ILF2: variants seen among roughly 807,000 people sequenced by gnomAD.
ILF2 encodes the protein interleukin enhancer binding factor 2.
ILF2 carries 9 observed loss-of-function variants against 55.3 expected under a neutral mutation model. That is an observed-to-expected ratio of 0.16 (90% CI 0.10 to 0.28). ILF2 has a LOEUF of 0.28. Ranked by LOEUF, ILF2 falls within the 10% of genes least tolerant of loss-of-function variation. The probability of loss-of-function intolerance (pLI) is 1.00; values close to 1 mark genes in which losing one functional copy is unlikely to be tolerated. For missense variants in ILF2, 266 were observed against 474.9 expected, an observed-to-expected ratio of 0.56 and a Z score of 4.09; for synonymous variants, 151 against 161.8, an observed-to-expected ratio of 0.93 and a Z score of 0.50.
At chr1:153,669,743 C>T in intron 3 of ILF2, 93 bp downstream of exon 3, 1 of 1,104,046 alleles carries the variant, frequency 9.1e-7, no homozygotes, top group Non-Finnish European at 1.4e-6. Flanking sequence ...TGTCTGCCCT[C>T]TTCAACCACC....
intron 3 of ILF2, among the ~76,000 whole-genome samples, chr1:153,669,152 T>C (rs1669384028): frequency 6.6e-6 from 1 of 151,478 alleles, no homozygotes; most frequent in African/African-American, 2.4e-5. Flanking sequence ...GAGGTCCTGA[T>C]TCCTCTGCCT....
At position 153,668,041 on chromosome 1, in the gene ILF2, C is replaced by T. The variant is rs1424240326; in HGVS notation, c.250G>A (p.Val84Met). The T allele has an allele frequency of 6.2e-7, 1 of 1,611,848 alleles. No homozygotes were observed. Among genetic ancestry groups the T allele is most frequent in the Non-Finnish European group, 8.5e-7 (1 of 1,179,140 alleles). ...ILSLVTKINNVIDNLIVAPGT... is the reference protein window; with the variant it reads ...ILSLVTKINNMIDNLIVAPGT... ...GGAGCCACAATCAGATTATCAATCA[C>T]ATTGTTTATTTTTGTCACCAGAGAA... The change falls in exon 5 of 14, where the codon GTG becomes ATG. Residue 84 changes from valine to methionine, a missense_variant. Transcript: ENST00000361891.
At position 153,669,826 on chromosome 1, in the gene ILF2, A is replaced by C; in HGVS notation, c.108+10T>G. 3 of 1,607,218 alleles carry C rather than the reference A, an allele frequency of 1.9e-6. No homozygotes were observed. The highest frequency in any genetic ancestry group is 2.6e-6 in the Non-Finnish European group (3 of 1,173,670). On this transcript the variant is annotated intron_variant, in intron 3 of 13. Coordinates refer to ENST00000361891, the MANE Select transcript of ILF2 (RefSeq NM_004515.4). Reference sequence around the variant, plus strand: ...CCAGAAAATGTGTATCATTAACCCAAGGTACTCACCAAATAGAAGTCAAAT... The same window carrying C: ...CCAGAAAATGTGTATCATTAACCCACGGTACTCACCAAATAGAAGTCAAAT...
chr1:153,664,366 CT>C, intron 9 of ILF2, 29 bp downstream of exon 9: 1 of 1,581,028 alleles, frequency 6.3e-7, no homozygotes, highest in Non-Finnish European at 8.7e-7. Flanking sequence ...AAAAGTTTAT[CT>C]TAATCCAAAT....
chr1:153,667,767 A>C, intron 5 of ILF2, 110 bp from the exon 6 acceptor site: 1 of 792,946 alleles, frequency 1.3e-6, no homozygotes, highest in African/African-American at 1.7e-5. Flanking sequence ...AAGAAGTAGC[A>C]GAGGTGAAAT....
intron 6 of ILF2, 30 bp from the exon 7 acceptor site, chr1:153,665,758 A>T: frequency 2.6e-6 from 4 of 1,555,440 alleles, no homozygotes; most frequent in African/African-American, 1.4e-5. Context: ...ATAATGTTAT[A>T]ATAATTTATT....
At chr1:153,670,825 T>C (rs182291322) in intron 1 of ILF2, 93 bp downstream of exon 1, 500 of 1,445,084 alleles carry the variant, frequency 3.5e-4, no homozygotes, top group Non-Finnish European at 4.7e-4. Flanking sequence ...CCCGGATACA[T>C]GGCCCTTTCT....
chr1:153,666,175 CTTTT>C (rs1161253292), intron 6 of ILF2, among the ~76,000 whole-genome samples: 1 of 150,948 alleles, frequency 6.6e-6, no homozygotes, highest in Non-Finnish European at 1.5e-5. Context: ...CAGGCTGCTG[CTTTT>C]TTTTTCTTTT....
At chr1:153,665,581 C>G (rs1209264319) in intron 7 of ILF2, 82 bp downstream of exon 7, 2 of 1,201,046 alleles carry the variant, frequency 1.7e-6, no homozygotes, top group South Asian at 1.2e-5. Context: ...CTGGTCTGAT[C>G]TGATTTTGTT....
At chr1:153,665,935 T>C (rs1206607123) in intron 6 of ILF2, among the ~76,000 whole-genome samples, 2 of 152,196 alleles carry the variant, frequency 1.3e-5, no homozygotes, top group Non-Finnish European at 2.9e-5. Flanking sequence ...CCTGTACTCA[T>C]ATCCTCTTTC....
chr1:153,665,635 A>G lies in ILF2; in HGVS notation c.460+28T>C, dbSNP rs748842497. ...ACAAGACCTGGTTCCTATGGCTACT[A>G]AATACAGAATCAGCAACAAATGCAA... On this transcript the variant is annotated intron_variant, in intron 7 of 13. Coordinates refer to ENST00000361891, the MANE Select transcript of ILF2 (RefSeq NM_004515.4). The G allele has an allele frequency of 7.6e-6, 12 of 1,586,538 alleles. No homozygotes were observed. In the South Asian group the frequency reaches 1.2e-4, roughly 16 times the overall value.
intron 8 of ILF2, 64 bp downstream of exon 8, chr1:153,665,156 C>G (rs1373416273): frequency 2.1e-6 from 2 of 942,606 alleles, no homozygotes; most frequent in Admixed American, 1.8e-5. Flanking sequence ...GTAAACTAAA[C>G]AGCAACAATA....
chr1:153,670,286 A>C, intron 1 of ILF2, 56 bp from the exon 2 acceptor site: 106 of 1,571,054 alleles, frequency 6.7e-5, no homozygotes, highest in Non-Finnish European at 8.6e-5. Flanking sequence ...CGGCCATATC[A>C]TCTTAGGTTG....
At chr1:153,668,617 T>C (rs1482011993) in intron 3 of ILF2, 60 bp from the exon 4 acceptor site, 2 of 1,523,622 alleles carry the variant, frequency 1.3e-6, no homozygotes, top group Admixed American at 2.3e-5. Flanking sequence ...GGAGAGATTG[T>C]TTTTTCTATT....
rs1669218587 is a variant in ILF2, at chr1:153,663,211, G to C, written c.806+4C>G. 7 of 1,614,136 alleles carry C rather than the reference G, an allele frequency of 4.3e-6. No homozygotes were observed. Among genetic ancestry groups the C allele is most frequent in the Middle Eastern group, 1.7e-4 (1 of 6,060 alleles). ...ACCAACCCTAAACCCAAAGCATGCT[G>C]TACCTGTATGCAACGTTTAGGGCCA... On this transcript the variant is annotated splice_donor_region_variant and intron_variant, in intron 11 of 13. Coordinates refer to ENST00000361891, the MANE Select transcript of ILF2 (RefSeq NM_004515.4).
At chr1:153,668,662 T>G (rs908489585) in intron 3 of ILF2, 105 bp from the exon 4 acceptor site, 3 of 1,323,218 alleles carry the variant, frequency 2.3e-6, no homozygotes, top group Non-Finnish European at 3.1e-6. Context: ...CAGAAAATTC[T>G]ACACTTGTTT....
intron 1 of ILF2, 88 bp from the exon 2 acceptor site, chr1:153,670,318 C>T: frequency 7.5e-7 from 1 of 1,338,290 alleles, no homozygotes; most frequent in Non-Finnish European, 1.1e-6. Flanking sequence ...CCCTCGGAAC[C>T]TCCCAACGGT....
chr1:153,664,906 A>G (rs1309693075), intron 8 of ILF2, among the ~76,000 whole-genome samples: 1 of 152,166 alleles, frequency 6.6e-6, no homozygotes. Context: ...TCAGCAAATC[A>G]CTTGTCTAAA....
intron 6 of ILF2, among the ~76,000 whole-genome samples, chr1:153,666,746 G>A (rs1669318064): frequency 6.6e-6 from 1 of 152,186 alleles, no homozygotes; most frequent in Non-Finnish European, 1.5e-5. Flanking sequence ...ACCTCCAGTT[G>A]AGAAACATGG....
Sources: allele counts gnomAD v4.1 joint callset (sites outside exome capture counted in the v4.1 genomes callset), GRCh38; gene constraint gnomAD v4.1.1; transcripts MANE v1.5; gene names NCBI Gene and HGNC (gene_info 2026-07-23, HGNC 2026-07-21).